TJP2: variants seen among roughly 807,000 people sequenced by gnomAD.
TJP2 encodes the protein Friedreich ataxia region gene X104 (tight junction protein ZO-2).
Under a neutral mutation model 133.1 loss-of-function variants are expected in TJP2, and 91 were observed. The ratio of observed to expected loss-of-function variants is 0.68; its 90% CI spans 0.58 to 0.81. The LOEUF (loss-of-function observed/expected upper bound fraction) is 0.81. Among genes scored for constraint, TJP2 ranks in the 40% least tolerant of loss-of-function variants. The pLI is 0.00. For missense variants in TJP2, 1,541 were observed against 1,565.6 expected (o/e 0.98, Z 0.26); for synonymous variants, 592 against 583.4 (o/e 1.01, Z -0.21).
At chr9:69,199,460 G>A (rs1826831744) in intron 1 of TJP2, among the ~76,000 whole-genome samples, 1 of 152,164 alleles carries the variant, frequency 6.6e-6, no homozygotes, top group South Asian at 2.1e-4. Flanking sequence ...AGCCCAGGAG[G>A]TTGAGGCTGC....
chr9:69,150,472 T>G (rs982594006), intron 1 of TJP2, among the ~76,000 whole-genome samples: 1 of 151,904 alleles, frequency 6.6e-6, no homozygotes, highest in African/African-American at 2.4e-5. Flanking sequence ...TTTTGTATTT[T>G]TAGTAGAGAT....
At chr9:69,159,932 T>C (rs1823982526) in intron 2 of TJP2, among the ~76,000 whole-genome samples, 1 of 151,296 alleles carries the variant, frequency 6.6e-6, no homozygotes. Context: ...TTTCTTTTTT[T>C]TTCCTAGAGT....
At chr9:69,216,690 C>T (rs1828410019) in intron 3 of TJP2, among the ~76,000 whole-genome samples, 1 of 152,326 alleles carries the variant, frequency 6.6e-6, no homozygotes, top group South Asian at 2.1e-4. Context: ...GCAGTTGTTT[C>T]CGTAAGAAGA....
intron 1 of TJP2, among the ~76,000 whole-genome samples, chr9:69,209,942 G>A (rs1398367428): frequency 1.3e-5 from 2 of 151,984 alleles, no homozygotes; most frequent in African/African-American, 2.4e-5. Context: ...CCCACCTCAC[G>A]TATGCTATCA....
chr9:69,121,485 A>C (rs974805448), exon 1 of TJP2: 2 of 361,796 alleles, frequency 5.5e-6, no homozygotes, highest in Non-Finnish European at 7.7e-6. Flanking sequence ...TCTAAACAGG[A>C]AATAGCCCGA....
chr9:69,152,221 GATTA>G (rs1823507650), intron 2 of TJP2, among the ~76,000 whole-genome samples: 1 of 152,310 alleles, frequency 6.6e-6, no homozygotes, highest in East Asian at 1.9e-4. Flanking sequence ...GGCTTCTAAA[GATTA>G]ATTATGTCCA....
chr9:69,222,634 A>C (rs1258729772), intron 5 of TJP2, among the ~76,000 whole-genome samples: 2 of 152,198 alleles, frequency 1.3e-5, no homozygotes, highest in African/African-American at 4.8e-5. Flanking sequence ...ATATACACAA[A>C]GTTGTGTCAT....
At chr9:69,193,676 CTTT>C (rs11312165) in intron 1 of TJP2, among the ~76,000 whole-genome samples, 50 of 138,722 alleles carry the variant, frequency 3.6e-4, no homozygotes, top group East Asian at 2.9e-3. Context: ...AACACCTGAA[CTTT>C]TTTTTTTTTT....
At chr9:69,143,820 T>A (rs1276552619) in intron 1 of TJP2, among the ~76,000 whole-genome samples, 2 of 152,120 alleles carry the variant, frequency 1.3e-5, no homozygotes, top group East Asian at 3.9e-4. Context: ...TTATTTAAAG[T>A]CACCAAACTG....
chr9:69,173,200 G>A (rs1360903465), upstream of TJP2, among the ~76,000 whole-genome samples: 3 of 152,188 alleles, frequency 2.0e-5, no homozygotes, highest in Non-Finnish European at 4.4e-5. Flanking sequence ...CTACTTGTGA[G>A]CCTAGGACGA....
At chr9:69,218,562 T>G (rs1033782731) in intron 4 of TJP2, 14 of 600,690 alleles carry the variant, frequency 2.3e-5, no homozygotes, top group African/African-American at 2.2e-4. Flanking sequence ...CTGAGGCCAG[T>G]GATTCTCTGA....
chr9:69,185,922 T>C (rs3002376), intron 1 of TJP2, among the ~76,000 whole-genome samples: 135,367 of 147,670 alleles, frequency 0.92, 62,075 homozygotes, highest in Middle Eastern at 0.95. Context: ...GAGTCTCGGT[T>C]GCGCCTGGCT....
intron 1 of TJP2, among the ~76,000 whole-genome samples, chr9:69,201,813 G>A (rs533083977): frequency 2.6e-5 from 4 of 152,250 alleles, no homozygotes; most frequent in East Asian, 3.9e-4. Context: ...CCGCCACCAC[G>A]TAGACGAACC....
upstream of TJP2, among the ~76,000 whole-genome samples, chr9:69,171,957 A>G (rs954304377): frequency 5.3e-5 from 8 of 152,086 alleles, no homozygotes; most frequent in African/African-American, 1.9e-4. Flanking sequence ...CACCACGCCC[A>G]GCTAATTTTT....
chr9:69,168,113 A>C (rs1188378409), intron 2 of TJP2, among the ~76,000 whole-genome samples: 1 of 152,220 alleles, frequency 6.6e-6, no homozygotes, highest in Admixed American at 6.5e-5. Context: ...TGATCCACTG[A>C]ATGTTTCTAA....
rs1223514220 is a variant in TJP2, at chr9:69,189,844, A to AT, written c.60+15413dup. Among the ~76,000 whole-genome samples the AT allele has an allele frequency of 3.2e-4, 36 of 111,066 alleles. 10 individuals carry two copies. The highest frequency in any genetic ancestry group is 1.1e-3 in the African/African-American group (34 of 29,700). The allele number at this position is 111,066 out of a possible 152,430, so 72.9% of individuals were successfully genotyped here. ...TCTCCTGGGCCAGGCACGGTGGCTC[A>AT]TGCCTGTAATCCCAGCACTTTGGGA... On this transcript the variant is annotated intron_variant, in intron 1 of 22. Coordinates refer to ENST00000377245, the MANE Select transcript of TJP2 (RefSeq NM_004817.4).
intron 2 of TJP2, among the ~76,000 whole-genome samples, chr9:69,161,027 G>T (rs1824039963): frequency 6.6e-6 from 1 of 152,190 alleles, no homozygotes; most frequent in Non-Finnish European, 1.5e-5. Context: ...TGGGGTGAGA[G>T]ATCCACACTT....
At chr9:69,211,178 A>T (rs933999453) in intron 1 of TJP2, among the ~76,000 whole-genome samples, 2 of 152,182 alleles carry the variant, frequency 1.3e-5, no homozygotes, top group Non-Finnish European at 2.9e-5. Flanking sequence ...TCTCTACTAA[A>T]ATACAAAAAT....
intron 22 of TJP2, 198 bp from the exon 23 acceptor site, chr9:69,254,011 C>G (rs914442522): frequency 6.2e-6 from 4 of 642,792 alleles, no homozygotes; most frequent in African/African-American, 3.6e-5. Flanking sequence ...CCTCACTCAC[C>G]GCCGAAGTGG....
Sources: allele counts gnomAD v4.1 joint callset (sites outside exome capture counted in the v4.1 genomes callset), GRCh38; gene constraint gnomAD v4.1.1; transcripts MANE v1.5; gene names NCBI Gene and HGNC (gene_info 2026-07-23, HGNC 2026-07-21).